Variants in ANKRD33B observed in about 807,000 individuals in gnomAD.
The protein encoded by ANKRD33B is ankyrin repeat domain-containing protein 33B.
Under a neutral mutation model 21.5 loss-of-function variants are expected in ANKRD33B, and 6 were observed. The observed-to-expected ratio is 0.28, with a 90% CI of 0.15 to 0.55. The LOEUF is 0.55. ANKRD33B is among the 20% of genes least tolerant of loss of function. ANKRD33B has a pLI of 0.94. For synonymous variants in ANKRD33B, 347 were observed against 342.4 expected (o/e 1.01, Z -0.15); for missense variants, 698 against 747.2 (o/e 0.93, Z 0.77).
chr5:10,598,456 G>A (rs1389324702), intron 1 of ANKRD33B, among the ~76,000 whole-genome samples: 1 of 151,948 alleles, frequency 6.6e-6, no homozygotes, highest in African/African-American at 2.4e-5. Flanking sequence ...TTGTAGAGAT[G>A]GAGTTTCACC....
At chr5:10,627,641 A>G (rs990252604) in intron 2 of ANKRD33B, among the ~76,000 whole-genome samples, 2 of 152,190 alleles carry the variant, frequency 1.3e-5, no homozygotes, top group African/African-American at 4.8e-5. Context: ...ATGCCTCTTC[A>G]TGTTATTTAT....
intron 1 of ANKRD33B, among the ~76,000 whole-genome samples, chr5:10,613,953 C>A (rs1345604629): frequency 2.0e-5 from 3 of 151,162 alleles, no homozygotes; most frequent in African/African-American, 7.3e-5. Context: ...TTCCCCACCC[C>A]ACCAACCCTG....
chr5:10,589,135 G>A (rs114079511), intron 1 of ANKRD33B, among the ~76,000 whole-genome samples: 2 of 152,144 alleles, frequency 1.3e-5, no homozygotes, highest in Admixed American at 6.5e-5. Flanking sequence ...GCTGAGTCTC[G>A]TGCTTCCTTC....
At chr5:10,574,177 T>C (rs2126546855) in intron 1 of ANKRD33B, among the ~76,000 whole-genome samples, 1 of 152,372 alleles carries the variant, frequency 6.6e-6, no homozygotes, top group African/African-American at 2.4e-5. Context: ...ATGAAACATA[T>C]TTTCTATTTT....
intron 1 of ANKRD33B, among the ~76,000 whole-genome samples, chr5:10,570,580 T>TA (rs1735159337): frequency 6.6e-6 from 1 of 152,116 alleles, no homozygotes; most frequent in African/African-American, 2.4e-5. Context: ...TATTTTGAGA[T>TA]AGAGTCTCAC....
In ANKRD33B at chr5:10,564,680, C is replaced by T. The variant is rs1423330867; in HGVS notation, c.213C>T (p.Ser71=). 6.5e-7 allele frequency: 1 copy of T among 1,534,572 alleles called. No homozygotes were observed. The highest frequency in any genetic ancestry group is 1.4e-5 in the African/African-American group (1 of 73,104). ...FEDEEEHGVE[S]AESVPEGVPE... is the part of the protein sequence containing the mutation. ...ACGAGGAGGAGCACGGCGTCGAGAG[C>T]GCGGAGAGCGTCCCGGAGGGCGTCC... Residue 71 remains serine, a synonymous_variant, in exon 1 of 4, where the codon AGC becomes AGT. Transcript: ENST00000296657.
intron 1 of ANKRD33B, among the ~76,000 whole-genome samples, chr5:10,568,823 C>T (rs965768230): frequency 5.3e-5 from 8 of 152,142 alleles, no homozygotes; most frequent in Admixed American, 2.6e-4. Context: ...TGTGAGGCAC[C>T]GCGCCTGCCC....
At chr5:10,570,101 T>C (rs570629455) in intron 1 of ANKRD33B, among the ~76,000 whole-genome samples, 1 of 152,264 alleles carries the variant, frequency 6.6e-6, no homozygotes, top group South Asian at 2.1e-4. Context: ...GGTCTCGAAC[T>C]CCTGAGCTCA....
At chr5:10,631,334 A>T (rs145181843) in intron 2 of ANKRD33B, among the ~76,000 whole-genome samples, 16 of 152,156 alleles carry the variant, frequency 1.1e-4, no homozygotes, top group African/African-American at 3.6e-4. Context: ...AACAGGAGGG[A>T]TCTGATAAAT....
chr5:10,564,200 A>C lies in ANKRD33B; in HGVS notation c.-268A>C. The C allele has an allele frequency of 6.5e-6, 1 of 154,662 alleles. No individual in the cohort carries two copies. The highest frequency in any genetic ancestry group is 6.5e-5 in the Admixed American group (1 of 15,400). 9.6% of individuals were successfully genotyped at this position (154,662 alleles called of 1,614,324 possible). The stretch of plus-strand genomic sequence containing the variant: ...CTGGCCAGGAAGGGGCGCGAGGGGA[A>C]GGCCCCGGGGGAAGGCGTGTCCCCG... On this transcript the variant is annotated 5_prime_UTR_variant, in exon 1 of 4. Transcript: ENST00000296657.
chr5:10,640,440 G>A (rs1737019845), intron 3 of ANKRD33B, among the ~76,000 whole-genome samples: 2 of 152,146 alleles, frequency 1.3e-5, no homozygotes, highest in Admixed American at 6.5e-5. Flanking sequence ...GAGCTACTAA[G>A]CTAAATGCCA....
chr5:10,574,330 G>A (rs1735268963), intron 1 of ANKRD33B, among the ~76,000 whole-genome samples: 1 of 152,146 alleles, frequency 6.6e-6, no homozygotes, highest in South Asian at 2.1e-4. Flanking sequence ...AGCCCAGTAG[G>A]CTGTAAAGCC....
At chr5:10,641,843 C>G (rs904405234) in intron 3 of ANKRD33B, among the ~76,000 whole-genome samples, 2 of 151,918 alleles carry the variant, frequency 1.3e-5, no homozygotes, top group African/African-American at 4.8e-5. Context: ...ATCGATTGTA[C>G]TTTTGATTCA....
At chr5:10,610,970 G>A (rs1579733263) in intron 1 of ANKRD33B, among the ~76,000 whole-genome samples, 1 of 152,172 alleles carries the variant, frequency 6.6e-6, no homozygotes, top group Admixed American at 6.5e-5. Flanking sequence ...CTTGAACCTG[G>A]GGGGCGGAGG....
chr5:10,630,402 C>A (rs1736679450), intron 2 of ANKRD33B, among the ~76,000 whole-genome samples: 1 of 152,186 alleles, frequency 6.6e-6, no homozygotes, highest in Non-Finnish European at 1.5e-5. Flanking sequence ...TACATTTCAA[C>A]CTTCTGCTTC....
chr5:10,596,183 CTGAGGCACATG>C (rs994578581), intron 1 of ANKRD33B, among the ~76,000 whole-genome samples: 3 of 152,178 alleles, frequency 2.0e-5, no homozygotes, highest in African/African-American at 7.2e-5. Context: ...AGTTTAAGTT[CTGAGGCACATG>C]TGCAGGATGT....
chr5:10,564,737 G>T lies in ANKRD33B; in HGVS notation c.270G>T (p.Leu90=). Residue 90 remains leucine, a synonymous_variant, in exon 1 of 4, where the codon CTG becomes CTT. Coordinates refer to ENST00000296657, the MANE Select transcript of ANKRD33B (RefSeq NM_001164440.2). ...GCGTCCCGGAGACGGCGACCCTCCT[G>T]CGCGCCGCCTGCGCCAACAACGTGG... ...PESVPETATL[L]RAACANNVGL... 2.0e-6 allele frequency: 3 copies of T among 1,531,274 alleles called. No homozygotes were observed. Among genetic ancestry groups the T allele is most frequent in the Non-Finnish European group, 2.6e-6 (3 of 1,144,332 alleles). 94.9% of individuals were successfully genotyped at this position (1,531,274 alleles called of 1,614,324 possible).
intron 1 of ANKRD33B, among the ~76,000 whole-genome samples, chr5:10,565,682 G>A (rs1350189331): frequency 6.6e-6 from 1 of 152,264 alleles, no homozygotes; most frequent in African/African-American, 2.4e-5. Context: ...GAAGACCTGA[G>A]AAGGACTGGC....
chr5:10,593,353 A>G (rs1160465294), intron 1 of ANKRD33B, among the ~76,000 whole-genome samples: 3 of 152,190 alleles, frequency 2.0e-5, no homozygotes, highest in Non-Finnish European at 4.4e-5. Flanking sequence ...AAATAAAGCA[A>G]AAACCTGTAC....
Sources: allele counts gnomAD v4.1 joint callset (sites outside exome capture counted in the v4.1 genomes callset), GRCh38; gene constraint gnomAD v4.1.1; transcripts MANE v1.5; gene names NCBI Gene and HGNC (gene_info 2026-07-23, HGNC 2026-07-21).